JOSD2: variants seen among roughly 807,000 people sequenced by gnomAD.
The protein encoded by JOSD2 is josephin-2.
Under a neutral mutation model 19.3 loss-of-function variants are expected in JOSD2, and 20 were observed. The observed-to-expected ratio is 1.04, with a 90% CI of 0.73 to 1.51. JOSD2 has a LOEUF of 1.51. Ranked by LOEUF, JOSD2 falls within the 40% of genes most tolerant of loss-of-function variation. JOSD2 has a pLI of 0.00. For missense variants in JOSD2, 215 were observed against 250.4 expected, an observed-to-expected ratio of 0.86 and a Z score of 0.95; for synonymous variants, 118 against 123.7, an observed-to-expected ratio of 0.95 and a Z score of 0.31.
In JOSD2 at chr19:50,507,785, C is replaced by A. The variant is rs988666217; in HGVS notation, c.147-86G>T. 1.1e-5 allele frequency: 16 copies of A among 1,520,414 alleles called. No homozygotes were observed. The Admixed American group carries it at 3.0e-4, about 29-fold the overall frequency. The allele number at this position is 1,520,414 out of a possible 1,614,324, so 94.2% of individuals were successfully genotyped here. On this transcript the variant is annotated intron_variant, in intron 2 of 4. Coordinates refer to ENST00000598418, the MANE Select transcript of JOSD2 (RefSeq NM_001270639.2). The stretch of plus-strand genomic sequence containing the variant: ...GGGGGTCCCAGGGGCCACAAGTTGC[C>A]TCAGCCTTTGACTCTCCCCGCTTCA...
At chr19:50,508,334 C>T (rs954425084) in intron 2 of JOSD2, among the ~76,000 whole-genome samples, 12 of 152,220 alleles carry the variant, frequency 7.9e-5, no homozygotes, top group African/African-American at 2.9e-4. Context: ...TGACAGCTGC[C>T]CGCATCACCC....
Position 50,506,106 on chromosome 19 carries a change from A to G in JOSD2, c.*67T>C, listed in dbSNP as rs1979307810. On this transcript the variant is annotated 3_prime_UTR_variant, in exon 5 of 5. Transcript: ENST00000598418. ...CATGAAGTGCTGGCCTTTCCCAGGCATGCAGTGTGCGCAGCCGGAGGGGGA... is the reference window on the plus strand; with the variant it reads ...CATGAAGTGCTGGCCTTTCCCAGGCGTGCAGTGTGCGCAGCCGGAGGGGGA... The G allele has an allele frequency of 1.3e-6, 2 of 1,487,172 alleles. No homozygotes were observed. Among genetic ancestry groups the G allele is most frequent in the South Asian group, 2.4e-5 (2 of 84,122 alleles). The allele number at this position is 1,487,172 out of a possible 1,614,324, so 92.1% of individuals were successfully genotyped here.
chr19:50,508,698 C>CGTGTGTGTGTGT lies in JOSD2; in HGVS notation c.147-1011_147-1000dup, dbSNP rs58475114. ...AGGCAGGACATGGGAGGAAAACGCT[C>CGTGTGTGTGTGT]GTGTGTGTGTGTGTGTGTGTGTGTG... On this transcript the variant is annotated intron_variant, in intron 2 of 4. Transcript: ENST00000598418. 1.8e-4 allele frequency among the ~76,000 whole-genome samples: 26 copies of CGTGTGTGTGTGT among 140,908 alleles called. 1 individual carries two copies. The highest frequency in any genetic ancestry group is 4.2e-4 in the East Asian group (2 of 4,770). 92.4% of individuals were successfully genotyped at this position (140,908 alleles called of 152,430 possible).
intron 2 of JOSD2, among the ~76,000 whole-genome samples, chr19:50,509,100 G>T (rs1344879334): frequency 8.2e-5 from 11 of 133,434 alleles, no homozygotes; most frequent in African/African-American, 3.4e-4. Context: ...TGGTAAAGGA[G>T]TGATTTTTTT....
At position 50,507,668 on chromosome 19, in the gene JOSD2, G is replaced by T. The variant is rs369208826; in HGVS notation, c.178C>A (p.Arg60Ser). 2 of 1,612,146 alleles carry T rather than the reference G, an allele frequency of 1.2e-6. No individual in the cohort carries two copies. The highest frequency in any genetic ancestry group is 2.2e-5 in the South Asian group (2 of 91,072). ...LAPDSRLNPHRSLLGTGNYDV... is the reference protein window; with the variant it reads ...LAPDSRLNPHSSLLGTGNYDV... Reference sequence around the variant, plus strand: ...TAGTTGCCGGTGCCCAGGAGGCTGCGATGAGGGTTCAGCCGGGAGTCTGGG... The same window carrying T: ...TAGTTGCCGGTGCCCAGGAGGCTGCTATGAGGGTTCAGCCGGGAGTCTGGG... Residue 60 changes from arginine (R) to serine (S), a missense_variant, in exon 3 of 5, where the codon CGC becomes AGC. By Grantham distance (110) the Arg-to-Ser change is moderately radical (BLOSUM62 -1). Transcript: ENST00000598418.
At chr19:50,509,512 G>A (rs922514421) in intron 2 of JOSD2, among the ~76,000 whole-genome samples, 5 of 152,200 alleles carry the variant, frequency 3.3e-5, no homozygotes, top group African/African-American at 9.6e-5. Context: ...AAGGGCTCAC[G>A]GGAGTGGAGA....
chr19:50,509,577 C>T (rs1391864605), intron 2 of JOSD2, among the ~76,000 whole-genome samples: 1 of 152,080 alleles, frequency 6.6e-6, no homozygotes, highest in Non-Finnish European at 1.5e-5. Context: ...GCTCGGCCTC[C>T]GCTATGAGGA....
chr19:50,510,173 A>G, intron 2 of JOSD2, 113 bp downstream of exon 2: 1 of 1,269,908 alleles, frequency 7.9e-7, no homozygotes, highest in Non-Finnish European at 1.1e-6. Context: ...TAGGCAAGTG[A>G]GCGCGGAGCA....
At chr19:50,509,976 C>A (rs144931033) in intron 2 of JOSD2, among the ~76,000 whole-genome samples, 2,200 of 148,902 alleles carry the variant, frequency 0.015, 55 homozygotes, top group African/African-American at 0.052. Flanking sequence ...TGGCATGAAC[C>A]CGGGAGGCCG....
At position 50,507,177 on chromosome 19, in the gene JOSD2, ATCC is replaced by A. The variant is rs1979419560; in HGVS notation, c.272+394_272+396del. ...CAACAGTGGACTCGCCATGCCCCCA[ATCC>A]TCACTCACTCTTGACCCCCCTGCCA... On this transcript the variant is annotated intron_variant, in intron 3 of 4. Transcript: ENST00000598418. Among the ~76,000 whole-genome samples the A allele has an allele frequency of 7.7e-5, 9 of 116,766 alleles. No homozygotes were observed. The Admixed American group carries it at 8.9e-4, about 12-fold the overall frequency. The allele number at this position is 116,766 out of a possible 152,430, so 76.6% of individuals were successfully genotyped here.
intron 1 of JOSD2, 60 bp from the exon 2 acceptor site, chr19:50,510,508 C>T: frequency 4.1e-6 from 6 of 1,480,518 alleles, no homozygotes; most frequent in Non-Finnish European, 5.4e-6. Context: ...TCCAGCCTCC[C>T]AGCAGGCCTT....
chr19:50,510,877 T>C (rs1414607579), intron 1 of JOSD2, among the ~76,000 whole-genome samples: 1 of 151,746 alleles, frequency 6.6e-6, no homozygotes, highest in Non-Finnish European at 1.5e-5. Context: ...TGTCTCTAGG[T>C]GATAGGGTCC....
intron 2 of JOSD2, among the ~76,000 whole-genome samples, chr19:50,509,594 TG>T (rs1196080485): frequency 6.6e-6 from 1 of 152,044 alleles, no homozygotes; most frequent in Non-Finnish European, 1.5e-5. Context: ...AGGAGGGCCC[TG>T]AGTAGGGCGG....
chr19:50,506,330 A>G, intron 4 of JOSD2, 48 bp downstream of exon 4: 1 of 1,606,846 alleles, frequency 6.2e-7, no homozygotes, highest in African/African-American at 1.3e-5. Flanking sequence ...CCGTCTGGGG[A>G]GTGGGGTTTC....
chr19:50,508,238 C>T (rs1186560530), intron 2 of JOSD2, among the ~76,000 whole-genome samples: 1 of 152,226 alleles, frequency 6.6e-6, no homozygotes, highest in Non-Finnish European at 1.5e-5. Flanking sequence ...CCTCAGATGT[C>T]ACGTCCTCTG....
chr19:50,509,375 G>A (rs1382115889), intron 2 of JOSD2, among the ~76,000 whole-genome samples: 5 of 152,124 alleles, frequency 3.3e-5, no homozygotes, highest in Non-Finnish European at 5.9e-5. Context: ...TTACAGGTGT[G>A]AGCCACTGCG....
chr19:50,506,497 C>A lies in JOSD2; in HGVS notation c.348G>T (p.Leu116=), dbSNP rs1306273820. The change falls in exon 4 of 5, where the codon CTG becomes CTT. Residue 116 remains leucine (L), a synonymous_variant. Transcript: ENST00000598418. The stretch of plus-strand genomic sequence containing the variant: ...GCCGCCGGCGCAGCGGCAGTGACAG[C>A]AGCCCCAGCGACACGGGCGAGGGCA... ...LNLPSPVSLG[L]LSLPLRRRHW... The A allele has an allele frequency of 6.4e-7, 1 of 1,562,526 alleles. No individual in the cohort carries two copies. The highest frequency in any genetic ancestry group is 8.7e-7 in the Non-Finnish European group (1 of 1,154,422).
At position 50,507,735 on chromosome 19, in the gene JOSD2, C is replaced by G; in HGVS notation, c.147-36G>C. 1.9e-6 allele frequency: 3 copies of G among 1,589,304 alleles called. No homozygotes were observed. The Admixed American group carries it at 5.3e-5, about 28-fold the overall frequency. On this transcript the variant is annotated intron_variant, in intron 2 of 4. Transcript: ENST00000598418. The stretch of plus-strand genomic sequence containing the variant: ...GGGTGGCCAGAGCTGAGGTGGGGAC[C>G]CCTGGAAAGGCCTCCCCACAAAATG...
chr19:50,506,099 C>T lies in JOSD2; in HGVS notation c.*74G>A. Reference sequence around the variant, plus strand: ...CAGGGTCCATGAAGTGCTGGCCTTTCCCAGGCATGCAGTGTGCGCAGCCGG... The same window carrying T: ...CAGGGTCCATGAAGTGCTGGCCTTTTCCAGGCATGCAGTGTGCGCAGCCGG... On this transcript the variant is annotated 3_prime_UTR_variant, in exon 5 of 5. Transcript: ENST00000598418. 6.9e-7 allele frequency: 1 copy of T among 1,445,402 alleles called. No individual in the cohort carries two copies. Among genetic ancestry groups the T allele is most frequent in the Non-Finnish European group, 9.5e-7 (1 of 1,047,128 alleles). 89.5% of individuals were successfully genotyped at this position (1,445,402 alleles called of 1,614,324 possible). A position where few individuals can be genotyped will look rare whatever the true frequency, so the allele number is the denominator to read the frequency against.
Sources: gnomAD v4.1 joint callset for allele counts (sites outside exome capture counted in the v4.1 genomes callset) on GRCh38, gnomAD v4.1.1 for gene constraint, MANE v1.5 for transcripts, NCBI Gene and HGNC (gene_info 2026-07-23, HGNC 2026-07-21) for gene names.